MMP27: variants seen among roughly 807,000 people sequenced by gnomAD.
The protein encoded by MMP27 is matrix metallopeptidase 27, also known as matrix metalloproteinase-27.
In MMP27, 51 loss-of-function variants were observed where a neutral mutation model predicts 48.1. The ratio of observed to expected loss-of-function variants is 1.06; its 90% CI spans 0.85 to 1.34. MMP27 has a LOEUF of 1.34. Among genes scored for constraint, MMP27 ranks in the 40% most tolerant of loss-of-function variants. The pLI is 0.00. For missense variants in MMP27, 698 were observed against 619.3 expected, an observed-to-expected ratio of 1.13 and a Z score of -1.35; for synonymous variants, 229 against 208.9, an observed-to-expected ratio of 1.10 and a Z score of -0.83.
rs1238787621 is a variant in MMP27, at chr11:102,696,422, G to A, written c.851C>T (p.Thr284Ile). ...GCGGAAAGTTGTGATAGCGTCAAAA[G>A]TCAAGTCAGGGTCACAGGCATGGGG... ...TIPHACDPDLTFDAITTFRRE... is the reference protein window; with the variant it reads ...TIPHACDPDLIFDAITTFRRE... The change falls in exon 6 of 10, where the codon ACT becomes ATT. Residue 284 changes from threonine to isoleucine, a missense_variant. Coordinates refer to ENST00000260229, the MANE Select transcript of MMP27 (RefSeq NM_022122.3). 6.2e-7 allele frequency: 1 copy of A among 1,613,876 alleles called. No individual in the cohort carries two copies. The highest frequency in any genetic ancestry group is 1.1e-5 in the South Asian group (1 of 91,078).
At chr11:102,704,834 C>T (rs1478521095) in intron 1 of MMP27, 59 bp from the exon 2 acceptor site, 3 of 1,210,368 alleles carry the variant, frequency 2.5e-6, no homozygotes, top group Non-Finnish European at 3.5e-6. Flanking sequence ...AGCAAATCTC[C>T]ATCTCAGGAT....
intron 4 of MMP27, among the ~76,000 whole-genome samples, chr11:102,698,998 G>C (rs1353386506): frequency 6.6e-6 from 1 of 151,790 alleles, no homozygotes; most frequent in Admixed American, 6.6e-5. Flanking sequence ...CCTAGTGATT[G>C]TGACTGCTTA....
chr11:102,691,926 G>C lies in MMP27; in HGVS notation c.1382C>G (p.Thr461Ser). 6.2e-7 allele frequency: 1 copy of C among 1,613,440 alleles called. No homozygotes were observed. Among genetic ancestry groups the C allele is most frequent in the Non-Finnish European group, 8.5e-7 (1 of 1,179,728 alleles). Residue 461 changes from threonine (T) to serine (S), a missense_variant, in exon 10 of 10, where the codon ACT (threonine) becomes AGT (serine). By Grantham distance (58) the Thr-to-Ser change is moderately conservative (BLOSUM62 1). Coordinates refer to ENST00000260229, the MANE Select transcript of MMP27 (RefSeq NM_022122.3). Reference protein sequence around the residue: ...KNITRIMRTNTWFQCKEPKNS... With the variant: ...KNITRIMRTNSWFQCKEPKNS... ...CTTTGGTTCTTTGCATTGAAACCAA[G>C]TATTAGTTCTCATGATTCGGGTAAT...
intron 4 of MMP27, among the ~76,000 whole-genome samples, chr11:102,700,623 A>G (rs1309562760): frequency 6.6e-6 from 1 of 152,252 alleles, no homozygotes; most frequent in African/African-American, 2.4e-5. Flanking sequence ...CAGCTGGTCA[A>G]TGGGAAGCCC....
chr11:102,695,599 A>T (rs1421426727), intron 6 of MMP27, among the ~76,000 whole-genome samples: 2 of 152,190 alleles, frequency 1.3e-5, no homozygotes, highest in African/African-American at 2.4e-5. Flanking sequence ...CCTCTGTGAC[A>T]TTCATGGTGG....
At chr11:102,698,470 A>C (rs1307670314) in intron 4 of MMP27, among the ~76,000 whole-genome samples, 1 of 122,166 alleles carries the variant, frequency 8.2e-6, no homozygotes, top group African/African-American at 2.7e-5. Flanking sequence ...GAAATGGATA[A>C]TATTAAAAAA....
intron 1 of MMP27, among the ~76,000 whole-genome samples, 193 bp downstream of exon 1, chr11:102,705,420 C>T (rs1861028264): frequency 6.6e-6 from 1 of 152,068 alleles, no homozygotes. Context: ...GATCCTTTCC[C>T]CCTCCCTGTG....
intron 4 of MMP27, among the ~76,000 whole-genome samples, chr11:102,699,645 G>C (rs1860901412): frequency 6.6e-6 from 1 of 152,168 alleles, no homozygotes; most frequent in African/African-American, 2.4e-5. Context: ...ACACTTTTCT[G>C]CTCTTGCCTT....
chr11:102,693,882 A>C (rs1860771457), intron 8 of MMP27, 24 bp downstream of exon 8: 2 of 1,542,040 alleles, frequency 1.3e-6, no homozygotes, highest in South Asian at 1.3e-5. Context: ...AATAAAACAA[A>C]GTGTCAATTG....
At chr11:102,703,976 G>C (rs1368711696) in intron 2 of MMP27, among the ~76,000 whole-genome samples, 3 of 152,184 alleles carry the variant, frequency 2.0e-5, no homozygotes, top group African/African-American at 7.2e-5. Context: ...GTAGAGTGAT[G>C]GTCAAGGTGA....
rs754948694 is a variant in MMP27, at chr11:102,696,447, G to T, written c.826C>A (p.Pro276Thr). ...EPAKPKEPTI[P>T]HACDPDLTFD... The stretch of plus-strand genomic sequence containing the variant: ...GTCAAGTCAGGGTCACAGGCATGGG[G>T]TATAGTGGGTTCCTTTGGCTTAGCA... The change falls in exon 6 of 10, where the codon CCC becomes ACC. Residue 276 changes from proline to threonine, a missense_variant. Physicochemically the swap from Pro to Thr is conservative, Grantham distance 38. Coordinates refer to ENST00000260229, the MANE Select transcript of MMP27 (RefSeq NM_022122.3). The T allele has an allele frequency of 2.5e-6, 4 of 1,613,810 alleles. No individual in the cohort carries two copies. Among genetic ancestry groups the T allele is most frequent in the Non-Finnish European group, 2.5e-6 (3 of 1,179,814 alleles).
Position 102,702,833 on chromosome 11 carries a change from C to T in MMP27, c.539G>A (p.Gly180Asp), listed in dbSNP as rs774942932. The T allele has an allele frequency of 2.9e-5, 46 of 1,613,804 alleles. No homozygotes were observed. Among genetic ancestry groups the T allele is most frequent in the Non-Finnish European group, 3.6e-5 (43 of 1,179,966 alleles). ...ACCCGGACCAGGAGGAAAGGCATGGCCAAGCACTCCCAAGGGACCATCAAA... is the reference window on the plus strand; with the variant it reads ...ACCCGGACCAGGAGGAAAGGCATGGTCAAGCACTCCCAAGGGACCATCAAA... ...RYFDGPLGVL[G>D]HAFPPGPGLG... is the part of the protein sequence containing the mutation. The change falls in exon 4 of 10, where the codon GGC becomes GAC. Residue 180 changes from glycine to aspartate, a missense_variant. Gly to Asp is a moderately conservative substitution (Grantham distance 94, BLOSUM62 -1). Transcript: ENST00000260229.
chr11:102,704,454 A>G (rs1861006050), intron 2 of MMP27, 83 bp downstream of exon 2: 10 of 1,085,330 alleles, frequency 9.2e-6, no homozygotes, highest in Non-Finnish European at 1.2e-5. Flanking sequence ...TGCTCAGTCA[A>G]TTGAATGAAT....
chr11:102,696,560 T>C (rs111294048), intron 5 of MMP27, 69 bp from the exon 6 acceptor site: 1 of 1,584,320 alleles, frequency 6.3e-7, no homozygotes, highest in Non-Finnish European at 8.6e-7. Flanking sequence ...ACAAGGGTCT[T>C]ACCTAAGTGG....
chr11:102,700,826 C>G (rs968274106), intron 4 of MMP27, among the ~76,000 whole-genome samples: 2 of 152,224 alleles, frequency 1.3e-5, no homozygotes, highest in Non-Finnish European at 2.9e-5. Context: ...TGCTTAAAGT[C>G]CTCTGACATC....
chr11:102,702,731 T>G, intron 4 of MMP27, 22 bp downstream of exon 4: 1 of 1,579,438 alleles, frequency 6.3e-7, no homozygotes, highest in African/African-American at 1.4e-5. Flanking sequence ...AAGATTTTGT[T>G]CATAAAGAAA....
In MMP27 at chr11:102,696,789, C is replaced by A; in HGVS notation, c.666G>T (p.Leu222=). ...LVAAHEFGHA[L]GLSHSNDQTA... The stretch of plus-strand genomic sequence containing the variant: ...TTTGATCATTGGAGTGAGAGAGCCC[C>A]AGTGCATGACCAAATTCATGAGCAG... Residue 222 remains leucine, a synonymous_variant, in exon 5 of 10, where the codon CTG becomes CTT. Coordinates refer to ENST00000260229, the MANE Select transcript of MMP27 (RefSeq NM_022122.3). The A allele has an allele frequency of 6.2e-7, 1 of 1,613,256 alleles. No individual in the cohort carries two copies.
chr11:102,696,249 G>A (rs1565426353), intron 6 of MMP27, 122 bp downstream of exon 6: 6 of 939,624 alleles, frequency 6.4e-6, no homozygotes, highest in Non-Finnish European at 6.6e-6. Context: ...AGTATAGGCA[G>A]TTATAAAATG....
In MMP27 at chr11:102,693,968, A is replaced by G; in HGVS notation, c.1131T>C (p.Asp377=). 2 of 1,612,254 alleles carry G rather than the reference A, an allele frequency of 1.2e-6. No homozygotes were observed. Among genetic ancestry groups the G allele is most frequent in the Non-Finnish European group, 1.7e-6 (2 of 1,179,094 alleles). ...LGFPGRVKKI[D]AAVCDKTTRK... ...TTGTGGTCTTATCACAGACGGCTGC[A>G]TCTATTTTCTTCACACGTCCTGGAA... Residue 377 remains aspartate (D), a synonymous_variant, in exon 8 of 10, where the codon GAT becomes GAC. Transcript: ENST00000260229.
Sources: allele counts gnomAD v4.1 joint callset (sites outside exome capture counted in the v4.1 genomes callset), GRCh38; gene constraint gnomAD v4.1.1; transcripts MANE v1.5; gene names NCBI Gene and HGNC (gene_info 2026-07-23, HGNC 2026-07-21).